NLGN3: variants seen among roughly 807,000 people sequenced by gnomAD.
NLGN3 encodes neuroligin 3.
Under a neutral mutation model 42.9 loss-of-function variants are expected in NLGN3, and 11 were observed. The ratio of observed to expected loss-of-function variants is 0.26; its 90% CI spans 0.16 to 0.42. The LOEUF (loss-of-function observed/expected upper bound fraction) is 0.42. Among genes scored for constraint, NLGN3 ranks in the 10% least tolerant of loss-of-function variants. The probability of loss-of-function intolerance (pLI) is 1.00; values close to 1 mark genes in which losing one functional copy is unlikely to be tolerated. For missense variants in NLGN3, 374 were observed against 733.8 expected (o/e 0.51, Z 5.67); for synonymous variants, 279 against 312.7 (o/e 0.89, Z 1.14).
intron 6 of NLGN3, among the ~76,000 whole-genome samples, chrX:71,165,003 A>G: frequency 8.9e-6 from 1 of 111,762 alleles, no homozygotes; most frequent in Admixed American, 9.5e-5. Flanking sequence ...CCACCTCTGG[A>G]CTACTGGGAA....
At chrX:71,155,940 T>C (rs1030870029) in intron 5 of NLGN3, among the ~76,000 whole-genome samples, 16 of 110,639 alleles carry the variant, frequency 1.4e-4, no homozygotes, top group African/African-American at 5.3e-4. Context: ...ACATGGTCTC[T>C]CCAGAACACA....
In NLGN3 at chrX:71,167,393, C is replaced by T. The variant is rs767026321; in HGVS notation, c.1296C>T (p.Ser432=). Residue 432 remains serine, a synonymous_variant, in exon 7 of 8, where the codon TCC becomes TCT. Transcript: ENST00000358741. The part of the protein sequence containing the change: ...DGVSGTDFDY[S]VSNFVDNLYG... ...TCTCTGGCACTGACTTTGACTATTC[C>T]GTCTCCAATTTTGTGGACAATCTGT... 9.1e-6 allele frequency: 11 copies of T among 1,211,557 alleles called. No homozygotes were observed. The highest frequency in any genetic ancestry group is 2.2e-5 in the Admixed American group (1 of 46,006).
intron 5 of NLGN3, 103 bp downstream of exon 5, chrX:71,155,466 G>A: frequency 5.8e-6 from 6 of 1,028,429 alleles, no homozygotes; most frequent in Non-Finnish European, 6.8e-6. Context: ...TCTCTAGCTG[G>A]TGCTAATAAC....
At chrX:71,161,364 T>C (rs2092429599) in intron 5 of NLGN3, among the ~76,000 whole-genome samples, 1 of 107,950 alleles carries the variant, frequency 9.3e-6, no homozygotes, top group Non-Finnish European at 1.9e-5. Flanking sequence ...TCTGCCCGCC[T>C]TGGCCTCCCA....
intron 1 of NLGN3, among the ~76,000 whole-genome samples, chrX:71,146,371 G>A (rs754940109): frequency 9.3e-6 from 1 of 107,309 alleles, no homozygotes; most frequent in African/African-American, 3.5e-5. Context: ...GTGGGTGTGC[G>A]TGTGTGTGCG....
rs1309279820 is a variant in NLGN3 at position 71,167,086 on chromosome X, AC to A, written c.990del (p.Tyr330Ter). The stretch of plus-strand genomic sequence containing the variant: ...GCTGTGAACTACCAACCAGTGAAGT[AC>A]ACCAGCCTGCTGGCAGACAAAGTGG... ...SWAVNYQPVK[Y>X]TSLLADKVGC... On this transcript the variant is annotated frameshift_variant, in exon 7 of 8. Transcript: ENST00000358741. LOFTEE classifies it high-confidence loss of function. The A allele has an allele frequency of 8.3e-7, 1 of 1,211,521 alleles. No homozygotes were observed.
downstream of NLGN3, among the ~76,000 whole-genome samples, chrX:71,173,895 G>C (rs2092474756): frequency 9.0e-6 from 1 of 111,271 alleles, no homozygotes. Context: ...ATTGGGGTGG[G>C]TGGGTAGAGT....
intron 3 of NLGN3, among the ~76,000 whole-genome samples, chrX:71,153,093 T>A (rs747648943): frequency 8.9e-6 from 1 of 112,618 alleles, no homozygotes; most frequent in Admixed American, 9.3e-5. Flanking sequence ...CAGCTCGACC[T>A]GCCTGTGTAC....
chrX:71,164,847 T>C (rs1255729064), intron 6 of NLGN3, among the ~76,000 whole-genome samples: 1 of 111,111 alleles, frequency 9.0e-6, no homozygotes, highest in African/African-American at 3.3e-5. Context: ...CGATGGTCTA[T>C]TATCAGACTC....
rs768584023 is a variant in NLGN3 at position 71,170,136 on chromosome X, C to G, written c.*39C>G. 4 of 1,201,198 alleles carry G rather than the reference C, an allele frequency of 3.3e-6. No individual in the cohort carries two copies. In the African/African-American group the frequency reaches 7.2e-5, roughly 22 times the overall value. ...CACAGCCAATCTCCAGGCTCCCTCCCTCCCAGATCCAGGAACACATGCACA... is the reference window on the plus strand; with the variant it reads ...CACAGCCAATCTCCAGGCTCCCTCCGTCCCAGATCCAGGAACACATGCACA... On this transcript the variant is annotated 3_prime_UTR_variant, in exon 8 of 8. Coordinates refer to ENST00000358741, the MANE Select transcript of NLGN3 (RefSeq NM_181303.2).
intron 2 of NLGN3, among the ~76,000 whole-genome samples, chrX:71,148,489 G>T (rs2092379423): frequency 9.0e-6 from 1 of 111,004 alleles, no homozygotes; most frequent in Non-Finnish European, 1.9e-5. Flanking sequence ...CCCTGGGGGA[G>T]TATGGGTCAC....
rs768259710 is a variant in NLGN3, at chrX:71,148,198, C to A, written c.449C>A (p.Thr150Lys). 8.3e-6 allele frequency: 10 copies of A among 1,206,186 alleles called. No homozygotes were observed. The highest frequency in any genetic ancestry group is 2.2e-5 in the Admixed American group (1 of 45,753). ...CTCTACCTGAACGTCTATGTGCCGA[C>A]GGAGGATGGTGAGTGCTGCGGCCAG... is the stretch of plus-strand genomic sequence containing the variant. ...DCLYLNVYVP[T>K]EDVKRISKEC... The change falls in exon 2 of 8, where the codon ACG becomes AAG. Residue 150 changes from threonine (T) to lysine (K), a missense_variant. Thr to Lys is a moderately conservative substitution (Grantham distance 78). Around this residue, in one of 6 missense-constraint regions of NLGN3, gnomAD observed 109 missense variants for 173.3 expected, o/e 0.63. Transcript: ENST00000358741.
chrX:71,166,055 CTT>C (rs1008035212), intron 6 of NLGN3, among the ~76,000 whole-genome samples: 1 of 105,727 alleles, frequency 9.5e-6, no homozygotes, highest in Non-Finnish European at 2.0e-5. Flanking sequence ...GAATGATATC[CTT>C]TTTTTTTTTC....
At chrX:71,146,172 G>GACACACACACACACACAC (rs1168453634) in intron 1 of NLGN3, among the ~76,000 whole-genome samples, 1 of 38,215 alleles carries the variant, frequency 2.6e-5, no homozygotes, top group Non-Finnish European at 4.7e-5. Flanking sequence ...CACACACACA[G>GACACACACACACACACAC]ACACACACAC....
At chrX:71,149,396 T>C (rs1220526338) in intron 3 of NLGN3, among the ~76,000 whole-genome samples, 2 of 111,268 alleles carry the variant, frequency 1.8e-5, no homozygotes, top group African/African-American at 6.5e-5. Context: ...CCCACCCCAC[T>C]ACCTCTGGCC....
At chrX:71,168,965 G>C (rs985647279) in intron 7 of NLGN3, among the ~76,000 whole-genome samples, 4 of 109,902 alleles carry the variant, frequency 3.6e-5, no homozygotes, top group African/African-American at 1.3e-4. Context: ...CTTTATTAGG[G>C]GGCTCCTGGC....
Position 71,155,224 on chromosome X carries a change from C to T in NLGN3, c.588C>T (p.Asp196=). 1 of 1,212,004 alleles carries T rather than the reference C, an allele frequency of 8.3e-7. No homozygotes were observed. Among genetic ancestry groups the T allele is most frequent in the South Asian group, 1.8e-5 (1 of 56,998 alleles). Residue 196 remains aspartate (D), a synonymous_variant, in exon 5 of 8, where the codon GAC becomes GAT. Coordinates refer to ENST00000358741, the MANE Select transcript of NLGN3 (RefSeq NM_181303.2). ...NDGDEDEDIR[D]SGAKPVMVYI... ...CCCTTCTCCTTGCAGACATCCGGGACAGTGGTGCTAAACCCGTCATGGTCT... is the reference window on the plus strand; with the variant it reads ...CCCTTCTCCTTGCAGACATCCGGGATAGTGGTGCTAAACCCGTCATGGTCT...
chrX:71,161,928 C>T (rs2092431819), intron 5 of NLGN3, among the ~76,000 whole-genome samples: 1 of 112,829 alleles, frequency 8.9e-6, no homozygotes, highest in Admixed American at 9.3e-5. Context: ...TGACACATTT[C>T]AGTAAATGAT....
intron 7 of NLGN3, among the ~76,000 whole-genome samples, chrX:71,168,087 G>A (rs773375587): frequency 5.2e-4 from 58 of 111,693 alleles, no homozygotes; most frequent in African/African-American, 1.9e-3. Context: ...GCTCACGGCT[G>A]TAATCCCAGC....
Sources: allele counts gnomAD v4.1 joint callset (sites outside exome capture counted in the v4.1 genomes callset), GRCh38; gene constraint gnomAD v4.1.1; regional missense constraint gnomAD v4.1.1; transcripts MANE v1.5; gene names NCBI Gene and HGNC (gene_info 2026-07-23, HGNC 2026-07-21).